Variants in CACTIN observed in about 807,000 individuals in gnomAD.
The protein encoded by CACTIN is cactin, spliceosome C complex subunit.
In CACTIN, 20 loss-of-function variants were observed where a neutral mutation model predicts 84.9. That is an observed-to-expected ratio of 0.24 (90% CI 0.17 to 0.34). CACTIN has a LOEUF of 0.34. Among genes scored for constraint, CACTIN ranks in the 10% least tolerant of loss-of-function variants. CACTIN has a pLI of 1.00. For synonymous variants in CACTIN, 549 were observed against 467.9 expected, an observed-to-expected ratio of 1.17 and a Z score of -2.24; for missense variants, 897 against 1,117.2, an observed-to-expected ratio of 0.80 and a Z score of 2.81.
At chr19:3,612,974 TTC>T in intron 9 of CACTIN, 82 bp downstream of exon 9, 1 of 1,477,224 alleles carries the variant, frequency 6.8e-7, no homozygotes, top group Admixed American at 2.0e-5. Context: ...CGCCAGCGGC[TTC>T]GGCCGGGAAA....
At position 3,612,117 on chromosome 19, in the gene CACTIN, A is replaced by G. The variant is rs1303579733; in HGVS notation, c.2083T>C (p.Phe695Leu). ...TTGTTGTCGGCGCAGGCCTCCAGGA[A>G]GTACTCGGGCGTGGAGCGCTTGTCG... The part of the protein sequence containing the change: ...LIDKRSTPEY[F>L]LEACADNKDF... Residue 695 changes from phenylalanine to leucine, a missense_variant, in exon 10 of 10, where the codon TTC (phenylalanine) becomes CTC (leucine). Around this residue, in one of 8 missense-constraint regions of CACTIN, gnomAD observed 50 missense variants for 51.6 expected, o/e 0.97. Coordinates refer to ENST00000429344, the MANE Select transcript of CACTIN (RefSeq NM_001080543.2). The G allele has an allele frequency of 6.2e-7, 1 of 1,613,676 alleles. No individual in the cohort carries two copies. Among genetic ancestry groups the G allele is most frequent in the Admixed American group, 1.7e-5 (1 of 60,012 alleles).
At position 3,613,275 on chromosome 19, in the gene CACTIN, T is replaced by C; in HGVS notation, c.1569A>G (p.Thr523=). The change falls in exon 9 of 10, where the codon ACA becomes ACG. Residue 523 remains threonine (T), a synonymous_variant. Coordinates refer to ENST00000429344, the MANE Select transcript of CACTIN (RefSeq NM_001080543.2). ...CACCGTCCCCGTCGCCGTCGCCCTC[T>C]GTCGGGGTCGCGCCGTCCACCTCGG... ...AEAEVDGATP[T]EGDGDGDGEG... is the part of the protein sequence containing the mutation. The C allele has an allele frequency of 6.2e-7, 1 of 1,606,298 alleles. No homozygotes were observed. Among genetic ancestry groups the C allele is most frequent in the Non-Finnish European group, 8.5e-7 (1 of 1,178,456 alleles).
intron 6 of CACTIN, among the ~76,000 whole-genome samples, chr19:3,618,380 C>T (rs1312665667): frequency 6.6e-6 from 1 of 151,988 alleles, no homozygotes; most frequent in Non-Finnish European, 1.5e-5. Flanking sequence ...TCAGGGTAGA[C>T]GCTTTAGAGC....
At chr19:3,612,773 C>G (rs763189042) in intron 9 of CACTIN, 7 of 700,104 alleles carry the variant, frequency 1.0e-5, no homozygotes, top group South Asian at 6.0e-5. Context: ...AGTATTTTCT[C>G]CTCTGTCTTA....
intron 1 of CACTIN, 41 bp from the exon 2 acceptor site, chr19:3,624,203 T>A: frequency 6.7e-7 from 1 of 1,485,842 alleles, no homozygotes; most frequent in Non-Finnish European, 9.0e-7. Flanking sequence ...TGCCTGCAGC[T>A]GTCATCTGCT....
In CACTIN at chr19:3,624,133, C is replaced by T. The variant is rs568677025; in HGVS notation, c.197G>A (p.Arg66His). The stretch of plus-strand genomic sequence containing the variant: ...GGGGCTCCGGCTTCGCATCCCTGAG[C>T]GCTGCCACCGCTCTTCCTCTGAATC... ...RSDSEEERWQ[R>H]SGMRSRSPPR... The change falls in exon 2 of 10, where the codon CGC (arginine) becomes CAC (histidine). Residue 66 changes from arginine (R) to histidine (H), a missense_variant. Transcript: ENST00000429344. The T allele has an allele frequency of 2.0e-5, 32 of 1,573,264 alleles. No homozygotes were observed. Among genetic ancestry groups the T allele is most frequent in the African/African-American group, 5.4e-5 (4 of 74,486 alleles).
chr19:3,620,327 G>A (rs1174002971), intron 3 of CACTIN, 55 bp from the exon 4 acceptor site: 7 of 1,525,748 alleles, frequency 4.6e-6, no homozygotes, highest in Non-Finnish European at 6.2e-6. Context: ...CAGGGCTGCG[G>A]GGGGAGGGGC....
Position 3,613,491 on chromosome 19 carries a change from T to C in CACTIN, c.1451A>G (p.Lys484Arg). The change falls in exon 8 of 10, where the codon AAG becomes AGG. Residue 484 changes from lysine (K) to arginine (R), a missense_variant. Coordinates refer to ENST00000429344, the MANE Select transcript of CACTIN (RefSeq NM_001080543.2). ...GCGGCTGGGGGACTGGGGCTCCTGC[T>C]TGAGGATGGGGAACAGCGGCTCGCT... The part of the protein sequence containing the change: ...VESEPLFPIL[K>R]QEPQSPSRSL... 2 of 1,585,160 alleles carry C rather than the reference T, an allele frequency of 1.3e-6. No individual in the cohort carries two copies. Among genetic ancestry groups the C allele is most frequent in the South Asian group, 2.3e-5 (2 of 87,652 alleles).
Position 3,626,623 on chromosome 19 carries a change from C to A in CACTIN, c.140G>T (p.Arg47Ile). Reference protein sequence around the residue: ...RRRREDEGRRRRRRRSRERRS... With the variant: ...RRRREDEGRRIRRRRSRERRS... ...GCGCTCCCGGCTCCGCCGCCTCCGT[C>A]TGCGCCGTCCCTCGTCCTCCCGGCG... Residue 47 changes from arginine (R) to isoleucine (I), a missense_variant, in exon 1 of 10, where the codon AGA (arginine) becomes ATA (isoleucine). Around this residue, in one of 8 missense-constraint regions of CACTIN, gnomAD observed 261 missense variants for 243.8 expected, o/e 1.07. Transcript: ENST00000429344. 1 of 1,529,474 alleles carries A rather than the reference C, an allele frequency of 6.5e-7. No individual in the cohort carries two copies. The highest frequency in any genetic ancestry group is 1.9e-4 in the Middle Eastern group (1 of 5,394). 94.7% of individuals were successfully genotyped at this position (1,529,474 alleles called of 1,614,324 possible).
rs144125650 is a variant in CACTIN at position 3,623,947 on chromosome 19, C to G, written c.383G>C (p.Arg128Pro). 20 of 1,603,050 alleles carry G rather than the reference C, an allele frequency of 1.2e-5. No individual in the cohort carries two copies. The South Asian group carries it at 1.9e-4, about 15-fold the overall frequency. The change falls in exon 2 of 10, where the codon CGG (arginine) becomes CCG (proline). Residue 128 changes from arginine to proline, a missense_variant. Physicochemically the swap from Arg to Pro is moderately radical, Grantham distance 103. Coordinates refer to ENST00000429344, the MANE Select transcript of CACTIN (RefSeq NM_001080543.2). ...SASPGRSQSPRAAAAALSQQQ... is the reference protein window; with the variant it reads ...SASPGRSQSPPAAAAALSQQQ... ...CTGGCTCAGGGCAGCCGCGGCCGCC[C>G]GGGGGCTCTGGGATCGCCCTGGAGA...
In CACTIN at chr19:3,613,347, C is replaced by T. The variant is rs1440315603; in HGVS notation, c.1497G>A (p.Ala499=). The change falls in exon 9 of 10, where the codon GCG becomes GCA. Residue 499 remains alanine, a synonymous_variant. Transcript: ENST00000429344. ...AGGAGGGCCCGGGCGGGGTGGGCGC[C>T]GCGTCCTCAGGCTCCAGGCTGGGAG... ...SPSRSLEPED[A]APTPPGPSSE... 13 of 1,514,192 alleles carry T rather than the reference C, an allele frequency of 8.6e-6. No homozygotes were observed. The highest frequency in any genetic ancestry group is 1.1e-5 in the Non-Finnish European group (13 of 1,137,218). 93.8% of individuals were successfully genotyped at this position (1,514,192 alleles called of 1,614,324 possible).
intron 6 of CACTIN, chr19:3,616,314 C>T (rs577544278): frequency 2.0e-5 from 3 of 152,380 alleles, no homozygotes; most frequent in East Asian, 1.9e-4. Flanking sequence ...CACTAAAGAA[C>T]TTATTCATGT....
intron 4 of CACTIN, 110 bp from the exon 5 acceptor site, chr19:3,619,352 G>C: frequency 7.6e-7 from 1 of 1,308,180 alleles, no homozygotes; most frequent in Non-Finnish European, 1.0e-6. Context: ...GGCCTGACCC[G>C]TTGGGGGTGG....
At chr19:3,622,031 C>A (rs2033235034) in intron 2 of CACTIN, among the ~76,000 whole-genome samples, 1 of 152,114 alleles carries the variant, frequency 6.6e-6, no homozygotes, top group Non-Finnish European at 1.5e-5. Flanking sequence ...ACAGGCACAT[C>A]CCCGTCTGAA....
chr19:3,623,970 A>C lies in CACTIN; in HGVS notation c.360T>G (p.Ser120=). ...SPSSSASSSA[S]PGRSQSPRAA... Reference sequence around the variant, plus strand: ...CCCGGGGGCTCTGGGATCGCCCTGGAGACGCGGAGCTGGATGCTGAGGAGC... The same window carrying C: ...CCCGGGGGCTCTGGGATCGCCCTGGCGACGCGGAGCTGGATGCTGAGGAGC... Residue 120 remains serine (S), a synonymous_variant, in exon 2 of 10, where the codon TCT becomes TCG. Transcript: ENST00000429344. 1.2e-6 allele frequency: 2 copies of C among 1,603,704 alleles called. No homozygotes were observed. The highest frequency in any genetic ancestry group is 2.7e-5 in the African/African-American group (2 of 74,972).
chr19:3,626,030 A>T (rs1269977438), intron 1 of CACTIN, among the ~76,000 whole-genome samples: 1 of 152,026 alleles, frequency 6.6e-6, no homozygotes. Flanking sequence ...CTCCATTAGC[A>T]AATGTTGTCT....
At chr19:3,614,319 C>T in intron 7 of CACTIN, 78 bp downstream of exon 7, 2 of 1,419,228 alleles carry the variant, frequency 1.4e-6, no homozygotes, top group Non-Finnish European at 1.9e-6. Flanking sequence ...CGAGACCCAC[C>T]CCACCCAGGA....
At chr19:3,621,949 C>T (rs1476157860) in intron 2 of CACTIN, among the ~76,000 whole-genome samples, 2 of 152,134 alleles carry the variant, frequency 1.3e-5, no homozygotes, top group East Asian at 1.9e-4. Flanking sequence ...CAGGTGCAGT[C>T]GGCCCAGCCC....
At chr19:3,619,416 C>G (rs1034413628) in intron 4 of CACTIN, among the ~76,000 whole-genome samples, 174 bp from the exon 5 acceptor site, 2 of 152,104 alleles carry the variant, frequency 1.3e-5, no homozygotes, top group South Asian at 4.1e-4. Flanking sequence ...TAGAGTGAGC[C>G]GGGTCAGCCA....
Sources: gnomAD v4.1 joint callset for allele counts (sites outside exome capture counted in the v4.1 genomes callset) on GRCh38, gnomAD v4.1.1 for gene constraint, gnomAD v4.1.1 regional missense constraint, MANE v1.5 for transcripts, NCBI Gene and HGNC (gene_info 2026-07-23, HGNC 2026-07-21) for gene names.